The following NOTCH2 variants were observed in gnomAD, a reference collection of about 807,000 sequenced individuals.
NOTCH2 encodes notch receptor 2, also known as neurogenic locus notch homolog protein 2.
Under a neutral mutation model 235.8 loss-of-function variants are expected in NOTCH2, and 29 were observed. The observed-to-expected ratio is 0.12, with a 90% CI of 0.09 to 0.17. The LOEUF is 0.17. Ranked by LOEUF, NOTCH2 falls within the 10% of genes least tolerant of loss-of-function variation. The pLI, the probability that NOTCH2 is intolerant of heterozygous loss-of-function variation, is 1.00. For missense variants in NOTCH2, 2,285 were observed against 3,150.2 expected (o/e 0.73, Z 6.57); for synonymous variants, 1,086 against 1,141.5 (o/e 0.95, Z 0.98).
rs765404709 is a variant in NOTCH2 at position 119,915,608 on chromosome 1, C to T, written c.7114G>A (p.Ala2372Thr). 14 of 1,613,866 alleles carry T rather than the reference C, an allele frequency of 8.7e-6. No homozygotes were observed. Among genetic ancestry groups the T allele is most frequent in the Admixed American group, 8.3e-5 (5 of 60,006 alleles). ...ACAGAGGCTGGGAAAGGATGATAGG[C>T]TGGGAGAATGGTCTGAGCTACCTGC... ...DGQVAQTILP[A>T]YHPFPASVGK... The change falls in exon 34 of 34, where the codon GCC (alanine) becomes ACC (threonine). Residue 2372 changes from alanine (A) to threonine (T), a missense_variant. Coordinates refer to ENST00000256646, the MANE Select transcript of NOTCH2 (RefSeq NM_024408.4).
At position 119,922,795 on chromosome 1, in the gene NOTCH2, G is replaced by T. The variant is rs1166696851; in HGVS notation, c.4860-17C>A. ...ACTTTAGAGCTGTGGGATGCCAAGG[G>T]AGAAGCGGAGGAGGAGAGATGGGGG... On this transcript the variant is annotated splice_polypyrimidine_tract_variant and intron_variant, in intron 26 of 33. Transcript: ENST00000256646. The T allele has an allele frequency of 1.2e-6, 2 of 1,614,008 alleles. No homozygotes were observed. The highest frequency in any genetic ancestry group is 1.7e-6 in the Non-Finnish European group (2 of 1,180,042).
chr1:119,918,555 T>C lies in NOTCH2; in HGVS notation c.5782-2A>G. 2 of 1,613,982 alleles carry C rather than the reference T, an allele frequency of 1.2e-6. No homozygotes were observed. The highest frequency in any genetic ancestry group is 1.7e-6 in the Non-Finnish European group (2 of 1,179,940). ...AGTTACTCGGTTGCGAATCAGAATCTAGAAGAGGAGAAAGTACAGAAAAGA... is the reference window on the plus strand; with the variant it reads ...AGTTACTCGGTTGCGAATCAGAATCCAGAAGAGGAGAAAGTACAGAAAAGA... On this transcript the variant is annotated splice_acceptor_variant, in intron 31 of 33. Transcript: ENST00000256646. LOFTEE classifies it high-confidence loss of function.
At chr1:119,919,229 TGA>T in intron 31 of NOTCH2, 81 bp downstream of exon 31, 2 of 1,335,636 alleles carry the variant, frequency 1.5e-6, no homozygotes, top group East Asian at 4.6e-5. Flanking sequence ...ATAAATTCAA[TGA>T]GATATTAATT....
rs782058004 is a variant in NOTCH2 at position 119,987,098 on chromosome 1, C to T, written c.752-16G>A. 2.5e-6 allele frequency: 4 copies of T among 1,612,460 alleles called. No homozygotes were observed. In the Admixed American group the frequency reaches 6.7e-5, roughly 27 times the overall value. Reference sequence around the variant, plus strand: ...CCTTCAAAACCTGGTAAATGAAGAACAAATGAAAATGATGAAATCTCATAC... The same window carrying T: ...CCTTCAAAACCTGGTAAATGAAGAATAAATGAAAATGATGAAATCTCATAC... On this transcript the variant is annotated splice_polypyrimidine_tract_variant and intron_variant, in intron 4 of 33. Transcript: ENST00000256646.
chr1:119,920,210 G>A lies in NOTCH2; in HGVS notation c.5479+19C>T, dbSNP rs1283978200. 1.2e-6 allele frequency: 2 copies of A among 1,613,688 alleles called. No individual in the cohort carries two copies. The highest frequency in any genetic ancestry group is 2.2e-5 in the South Asian group (2 of 91,020). ...GGCAGACACAGCCCAGTGAAGAGGG[G>A]AAGAGGCCCGGTGCTGACCTGGGCC... On this transcript the variant is annotated intron_variant, in intron 30 of 33. Transcript: ENST00000256646.
At chr1:119,976,002 C>T (rs1651569050) in intron 5 of NOTCH2, among the ~76,000 whole-genome samples, 1 of 152,228 alleles carries the variant, frequency 6.6e-6, no homozygotes, top group Non-Finnish European at 1.5e-5. Flanking sequence ...CCTTTCCAGT[C>T]ATCTCTCAAC....
chr1:119,962,603 T>C (rs1650978244), intron 11 of NOTCH2, among the ~76,000 whole-genome samples: 1 of 152,180 alleles, frequency 6.6e-6, no homozygotes, highest in African/African-American at 2.4e-5. Flanking sequence ...AGAAATGGAT[T>C]TGGAAACAGT....
intron 1 of NOTCH2, among the ~76,000 whole-genome samples, chr1:120,040,823 G>A (rs1279710857): frequency 1.3e-5 from 2 of 149,958 alleles, no homozygotes; most frequent in Non-Finnish European, 1.5e-5. Context: ...GGATCACGAG[G>A]TCAGGAGATC....
chr1:119,948,353 C>T (rs1650336339), intron 17 of NOTCH2, 61 bp downstream of exon 17: 1 of 1,603,012 alleles, frequency 6.2e-7, no homozygotes, highest in Non-Finnish European at 8.5e-7. Flanking sequence ...ACTGGGCTCT[C>T]CTCTGCTCCC....
chr1:119,998,729 G>A (rs369863767), intron 3 of NOTCH2, among the ~76,000 whole-genome samples: 5 of 150,746 alleles, frequency 3.3e-5, no homozygotes, highest in East Asian at 1.9e-4. Flanking sequence ...TAGGGTACAC[G>A]TGCACAACAT....
intron 17 of NOTCH2, among the ~76,000 whole-genome samples, chr1:119,944,415 G>A (rs1225296477): frequency 1.3e-5 from 2 of 151,720 alleles, no homozygotes; most frequent in African/African-American, 4.8e-5. Context: ...GGCACCTGTA[G>A]TCCCAGCTAC....
chr1:119,912,843 GTCC>G lies in NOTCH2; in HGVS notation c.*2460_*2462del, dbSNP rs1285268048. ...AGTAAAAAGTTTGAAAGGCAGTGTT[GTCC>G]TCCTCATCACTGAAACCTGTTGTCT... On this transcript the variant is annotated 3_prime_UTR_variant, in exon 34 of 34. Coordinates refer to ENST00000256646, the MANE Select transcript of NOTCH2 (RefSeq NM_024408.4). 8.6e-5 allele frequency: 20 copies of G among 233,556 alleles called. No homozygotes were observed. Among genetic ancestry groups the G allele is most frequent in the Middle Eastern group, 2.5e-3 (2 of 786 alleles). 14.5% of individuals were successfully genotyped at this position (233,556 alleles called of 1,614,324 possible). A position where few individuals can be genotyped will look rare whatever the true frequency, so the allele number is the denominator to read the frequency against.
intron 1 of NOTCH2, among the ~76,000 whole-genome samples, chr1:120,033,077 G>T (rs1384053628): frequency 1.3e-5 from 2 of 151,148 alleles, no homozygotes; most frequent in Non-Finnish European, 2.9e-5. Context: ...AATGATGTCT[G>T]TACACCCATA....
In NOTCH2 at chr1:119,950,856, A is replaced by C; in HGVS notation, c.2366-19T>G. 1 of 1,510,604 alleles carries C rather than the reference A, an allele frequency of 6.6e-7. No individual in the cohort carries two copies. The highest frequency in any genetic ancestry group is 9.2e-7 in the Non-Finnish European group (1 of 1,085,538). 93.6% of individuals were successfully genotyped at this position (1,510,604 alleles called of 1,614,324 possible). ...TTATAGCCTGTAGACAAAAGGAAAA[A>C]ACCAAAAACAGTAAAACTTTCTGAC... On this transcript the variant is annotated intron_variant, in intron 14 of 33. Coordinates refer to ENST00000256646, the MANE Select transcript of NOTCH2 (RefSeq NM_024408.4).
intron 4 of NOTCH2, among the ~76,000 whole-genome samples, chr1:119,988,714 CT>C (rs1217635718): frequency 6.6e-6 from 1 of 152,138 alleles, no homozygotes; most frequent in African/African-American, 2.4e-5. Flanking sequence ...AATGGGGCCC[CT>C]GGCCTACAAC....
In NOTCH2 at chr1:119,942,867, A is replaced by G. The variant is rs1411218834; in HGVS notation, c.2753-1113T>C. On this transcript the variant is annotated intron_variant, in intron 17 of 33. Transcript: ENST00000256646. Reference sequence around the variant, plus strand: ...AATACATCATTAAAATTATTTGTCCATATGTCTTTTTTTTTTTTTTTTTTT... The same window carrying G: ...AATACATCATTAAAATTATTTGTCCGTATGTCTTTTTTTTTTTTTTTTTTT... Among the ~76,000 whole-genome samples, 5 of 147,444 alleles carry G rather than the reference A, an allele frequency of 3.4e-5. No homozygotes were observed. In the East Asian group the frequency reaches 9.8e-4, roughly 29 times the overall value.
intron 21 of NOTCH2, among the ~76,000 whole-genome samples, chr1:119,936,411 T>C (rs977959582): frequency 3.3e-5 from 5 of 152,134 alleles, no homozygotes; most frequent in African/African-American, 1.2e-4. Flanking sequence ...TTGTCCTACT[T>C]ATACTATGGC....
At chr1:119,982,611 A>T (rs1651851510) in intron 5 of NOTCH2, among the ~76,000 whole-genome samples, 1 of 152,256 alleles carries the variant, frequency 6.6e-6, no homozygotes. Flanking sequence ...AATACAGTAT[A>T]ATAAAGACGT....
chr1:120,066,570 T>C, intron 1 of NOTCH2, among the ~76,000 whole-genome samples: 1 of 151,412 alleles, frequency 6.6e-6, no homozygotes, highest in East Asian at 1.9e-4. Context: ...TAAGATGTAT[T>C]GTAAGGCTGC....
Sources: allele counts gnomAD v4.1 joint callset (sites outside exome capture counted in the v4.1 genomes callset), GRCh38; gene constraint gnomAD v4.1.1; transcripts MANE v1.5; gene names NCBI Gene and HGNC (gene_info 2026-07-23, HGNC 2026-07-21).